The following NLRP1 variants were observed in gnomAD, a reference collection of about 807,000 sequenced individuals.
NLRP1 encodes the protein NACHT, LRR and PYD domains-containing protein 1.
In NLRP1, 94 loss-of-function variants were observed where a neutral mutation model predicts 136.7. The ratio of observed to expected loss-of-function variants is 0.69; its 90% CI spans 0.58 to 0.82. NLRP1 has a LOEUF of 0.82. Among genes scored for constraint, NLRP1 ranks in the 40% least tolerant of loss-of-function variants. NLRP1 has a pLI of 0.00. For synonymous variants in NLRP1, 690 were observed against 725.1 expected (o/e 0.95, Z 0.78); for missense variants, 1,575 against 1,802.7 (o/e 0.87, Z 2.29).
chr17:5,525,068 G>A (rs1381709564), intron 12 of NLRP1, among the ~76,000 whole-genome samples: 1 of 152,238 alleles, frequency 6.6e-6, no homozygotes, highest in Non-Finnish European at 1.5e-5. Context: ...AGAAGGTTGA[G>A]TGTTGACTGG....
intron 3 of NLRP1, among the ~76,000 whole-genome samples, chr17:5,570,501 A>T (rs1215933118): frequency 6.6e-6 from 1 of 152,112 alleles, no homozygotes; most frequent in Non-Finnish European, 1.5e-5. Context: ...TACAGAAACT[A>T]GAAAAACCTA....
At chr17:5,515,678 A>G (rs1908013881) in intron 15 of NLRP1, among the ~76,000 whole-genome samples, 161 bp from the exon 16 acceptor site, 1 of 152,238 alleles carries the variant, frequency 6.6e-6, no homozygotes, top group African/African-American at 2.4e-5. Context: ...AAGGGTCCTT[A>G]GAGGTTATTT....
chr17:5,564,488 G>A (rs913825192), intron 3 of NLRP1, among the ~76,000 whole-genome samples: 9 of 152,172 alleles, frequency 5.9e-5, no homozygotes, highest in African/African-American at 9.6e-5. Flanking sequence ...TTCACATAAC[G>A]TAATCTCCAG....
chr17:5,536,613 G>A (rs1194867053), intron 8 of NLRP1, among the ~76,000 whole-genome samples: 1 of 152,080 alleles, frequency 6.6e-6, no homozygotes, highest in Non-Finnish European at 1.5e-5. Context: ...ACCACGCCTG[G>A]CTAATTTTTT....
At chr17:5,569,719 A>G (rs1915675504) in intron 3 of NLRP1, among the ~76,000 whole-genome samples, 1 of 151,902 alleles carries the variant, frequency 6.6e-6, no homozygotes, top group South Asian at 2.1e-4. Flanking sequence ...ATCAAGGCAG[A>G]ATACTAACAA....
rs941842824 is a variant in NLRP1, at chr17:5,514,239, G to A, written c.*515C>T. 2 of 212,898 alleles carry A rather than the reference G, an allele frequency of 9.4e-6. No homozygotes were observed. The highest frequency in any genetic ancestry group is 4.7e-5 in the African/African-American group (2 of 42,426). The allele number at this position is 212,898 out of a possible 1,614,324, so 13.2% of individuals were successfully genotyped here. A position where few individuals can be genotyped will look rare whatever the true frequency, so the allele number is the denominator to read the frequency against. ...TTTTCTGGTAAAAACTGGAAAGCCT[G>A]CTAGACAAATTCTAAAAGAGCTGTG... On this transcript the variant is annotated 3_prime_UTR_variant, in exon 17 of 17. Transcript: ENST00000572272.
chr17:5,512,119 C>G, downstream of NLRP1: 1 of 802,656 alleles, frequency 1.2e-6, no homozygotes, highest in South Asian at 1.3e-5. Context: ...ATAGTCTGCA[C>G]TTATTCCCTT....
chr17:5,550,944 C>T (rs931245239), intron 5 of NLRP1, among the ~76,000 whole-genome samples: 1 of 152,078 alleles, frequency 6.6e-6, no homozygotes, highest in Non-Finnish European at 1.5e-5. Context: ...CTCCCTGTCC[C>T]CACATCCCTC....
At chr17:5,556,115 TACACACACACACAC>T (rs59028107) in intron 4 of NLRP1, among the ~76,000 whole-genome samples, 1,265 of 119,052 alleles carry the variant, frequency 0.011, 14 homozygotes, top group Middle Eastern at 0.07. Context: ...TCTCTCTCTC[TACACACACACACAC>T]ACACACACAC....
intron 5 of NLRP1, among the ~76,000 whole-genome samples, chr17:5,550,339 T>C (rs746239672): frequency 5.3e-5 from 8 of 152,212 alleles, no homozygotes; most frequent in African/African-American, 1.9e-4. Context: ...CTTTGTTTCA[T>C]AGAAAGTTTT....
chr17:5,548,320 T>G (rs560050434), intron 5 of NLRP1, among the ~76,000 whole-genome samples: 1 of 152,190 alleles, frequency 6.6e-6, no homozygotes, highest in Non-Finnish European at 1.5e-5. Flanking sequence ...CTCTCTTCCC[T>G]GTCCTCATCT....
chr17:5,524,667 G>C (rs1222742490), intron 12 of NLRP1, among the ~76,000 whole-genome samples: 1 of 152,222 alleles, frequency 6.6e-6, no homozygotes, highest in Non-Finnish European at 1.5e-5. Context: ...TGTCAGTTGA[G>C]GGAGCTGAAA....
chr17:5,529,287 T>TTCTC (rs59210089), intron 12 of NLRP1, among the ~76,000 whole-genome samples: 131,752 of 151,716 alleles, frequency 0.87, 57,542 homozygotes, highest in East Asian at 0.97. Flanking sequence ...TTTTTTTCCC[T>TTCTC]TCTATCTTAT....
chr17:5,509,569 ATTC>A (rs1346840847), downstream of NLRP1, among the ~76,000 whole-genome samples: 2 of 152,122 alleles, frequency 1.3e-5, no homozygotes, highest in African/African-American at 2.4e-5. Flanking sequence ...GCATTCCATG[ATTC>A]TTCCGTTTTT....
chr17:5,556,558 A>C (rs986923484), intron 4 of NLRP1, among the ~76,000 whole-genome samples: 1 of 152,226 alleles, frequency 6.6e-6, no homozygotes. Context: ...TAAAATGTAC[A>C]ATATGGTTCG....
chr17:5,563,781 G>A (rs1915017384), intron 3 of NLRP1, among the ~76,000 whole-genome samples: 2 of 152,184 alleles, frequency 1.3e-5, no homozygotes, highest in Non-Finnish European at 2.9e-5. Flanking sequence ...GAATCCTTGT[G>A]AGATACTATA....
chr17:5,512,075 G>T, downstream of NLRP1: 14 of 711,214 alleles, frequency 2.0e-5, no homozygotes, highest in Admixed American at 6.1e-5. Context: ...TTTGTTTTGG[G>T]TTTTTGTGGT....
chr17:5,535,488 G>C (rs1910927087), intron 8 of NLRP1, among the ~76,000 whole-genome samples: 1 of 152,124 alleles, frequency 6.6e-6, no homozygotes, highest in African/African-American at 2.4e-5. Context: ...CTGTCTTTCA[G>C]ACCTCAGCCC....
In NLRP1 at chr17:5,558,652, C is replaced by G. The variant is rs779945177; in HGVS notation, c.2044G>C (p.Gly682Arg). Residue 682 changes from glycine to arginine, a missense_variant, in exon 4 of 17, where the codon GGG (glycine) becomes CGG (arginine). Coordinates refer to ENST00000572272, the MANE Select transcript of NLRP1 (RefSeq NM_033004.4). The stretch of plus-strand genomic sequence containing the variant: ...AAGATGTTCTCCATCTCTCTCTCCC[C>G]CTCATCACTTAACAGGCCCAATAGG... ...RFLLGLLSDE[G>R]EREMENIFHC... 2 of 1,614,166 alleles carry G rather than the reference C, an allele frequency of 1.2e-6. No individual in the cohort carries two copies. Among genetic ancestry groups the G allele is most frequent in the East Asian group, 4.5e-5 (2 of 44,872 alleles).
Sources: allele counts gnomAD v4.1 joint callset (sites outside exome capture counted in the v4.1 genomes callset), GRCh38; gene constraint gnomAD v4.1.1; transcripts MANE v1.5; gene names NCBI Gene and HGNC (gene_info 2026-07-23, HGNC 2026-07-21).